CRADD: variants seen among roughly 807,000 people sequenced by gnomAD.
The protein encoded by CRADD is death domain-containing protein CRADD.
Under a neutral mutation model 15.5 loss-of-function variants are expected in CRADD, and 9 were observed. The ratio of observed to expected loss-of-function variants is 0.58; its 90% CI spans 0.35 to 1.01. The LOEUF is 1.01. Ranked by LOEUF, CRADD falls within the 50% of genes least tolerant of loss-of-function variation. The probability of loss-of-function intolerance (pLI) is 0.02; values close to 1 mark genes in which losing one functional copy is unlikely to be tolerated. For missense variants in CRADD, 227 were observed against 250.3 expected (o/e 0.91, Z 0.63); for synonymous variants, 118 against 107.6 (o/e 1.10, Z -0.60).
At chr12:93,795,993 A>T (rs1957411722) in intron 2 of CRADD, among the ~76,000 whole-genome samples, 1 of 152,238 alleles carries the variant, frequency 6.6e-6, no homozygotes, top group Non-Finnish European at 1.5e-5. Context: ...CACATCCTAG[A>T]GTAGATAAGT....
At chr12:93,876,246 A>G (rs570081413) in intron 2 of CRADD, among the ~76,000 whole-genome samples, 1 of 152,024 alleles carries the variant, frequency 6.6e-6, no homozygotes, top group South Asian at 2.1e-4. Context: ...TTTAGGATCC[A>G]TTCTTTATTC....
At position 93,836,674 on chromosome 12, in the gene CRADD, T is replaced by C. The variant is rs758728789; in HGVS notation, c.299-13296T>C. On this transcript the variant is annotated intron_variant, in intron 2 of 2. Coordinates refer to ENST00000332896, the MANE Select transcript of CRADD (RefSeq NM_003805.5). ...AAAGTAGAAGCACTTGGTAATACTGTAGCTATAGAGAATAAAGCTAAGTGA... is the reference window on the plus strand; with the variant it reads ...AAAGTAGAAGCACTTGGTAATACTGCAGCTATAGAGAATAAAGCTAAGTGA... 1.9e-4 allele frequency among the ~76,000 whole-genome samples: 29 copies of C among 152,378 alleles called. No individual in the cohort carries two copies. In the Middle Eastern group the frequency reaches 0.014, roughly 71 times the overall value.
chr12:93,834,966 A>C (rs1020986681), intron 2 of CRADD, among the ~76,000 whole-genome samples: 1 of 152,304 alleles, frequency 6.6e-6, no homozygotes, highest in African/African-American at 2.4e-5. Flanking sequence ...GATGTGAAAA[A>C]CAGACAGACT....
chr12:93,722,921 T>C (rs1229874616), intron 2 of CRADD, among the ~76,000 whole-genome samples: 2 of 152,186 alleles, frequency 1.3e-5, no homozygotes. Flanking sequence ...AAGGGATCAC[T>C]CTTAAGTAGG....
intron 2 of CRADD, among the ~76,000 whole-genome samples, chr12:93,702,507 G>A (rs549094671): frequency 6.6e-6 from 1 of 151,836 alleles, no homozygotes; most frequent in African/African-American, 2.4e-5. Context: ...TTCAGTTGGT[G>A]CTGCTGCTAG....
At chr12:93,767,970 A>G (rs1957043234) in intron 2 of CRADD, among the ~76,000 whole-genome samples, 1 of 152,226 alleles carries the variant, frequency 6.6e-6, no homozygotes, top group South Asian at 2.1e-4. Flanking sequence ...GCAAAGAATT[A>G]AGTATATACA....
intron 2 of CRADD, among the ~76,000 whole-genome samples, chr12:93,707,265 T>C (rs1262305674): frequency 6.6e-6 from 1 of 152,212 alleles, no homozygotes; most frequent in Non-Finnish European, 1.5e-5. Context: ...TTTTTAAATC[T>C]ACTGCTACAT....
At chr12:93,750,849 C>A (rs1956820745) in intron 2 of CRADD, among the ~76,000 whole-genome samples, 1 of 152,100 alleles carries the variant, frequency 6.6e-6, no homozygotes, top group African/African-American at 2.4e-5. Context: ...TCGCAGATGT[C>A]ACAATAAGGG....
At chr12:93,842,404 G>A (rs1346171285) in intron 2 of CRADD, among the ~76,000 whole-genome samples, 1 of 152,164 alleles carries the variant, frequency 6.6e-6, no homozygotes, top group East Asian at 1.9e-4. Flanking sequence ...CAAACAGACA[G>A]CTAGTGGAGA....
chr12:93,790,526 G>C (rs144241828), intron 2 of CRADD, among the ~76,000 whole-genome samples: 2 of 151,132 alleles, frequency 1.3e-5, no homozygotes, highest in Admixed American at 6.6e-5. Context: ...GTATATTTTC[G>C]CTGGTCTCAA....
intron 2 of CRADD, among the ~76,000 whole-genome samples, chr12:93,704,258 A>G (rs1955899823): frequency 6.6e-6 from 1 of 152,130 alleles, no homozygotes; most frequent in Non-Finnish European, 1.5e-5. Flanking sequence ...CAGCTCTTCA[A>G]CTAGGCAGTT....
intron 2 of CRADD, among the ~76,000 whole-genome samples, chr12:93,871,027 A>T (rs1260491679): frequency 6.6e-6 from 1 of 152,238 alleles, no homozygotes; most frequent in East Asian, 1.9e-4. Context: ...TATACAACAG[A>T]TACACTATAA....
intron 2 of CRADD, among the ~76,000 whole-genome samples, chr12:93,765,550 G>GAGA (rs1957018145): frequency 6.6e-6 from 1 of 152,146 alleles, no homozygotes; most frequent in South Asian, 2.1e-4. Flanking sequence ...GCTGTGTGGG[G>GAGA]AGAAGGTAAG....
chr12:93,738,198 A>G (rs1337263618), intron 2 of CRADD: 1 of 605,588 alleles, frequency 1.7e-6, no homozygotes, highest in South Asian at 2.0e-5. Context: ...CATTTTTTGC[A>G]GGGTTAGAGG....
chr12:93,728,585 AAG>A lies in CRADD; in HGVS notation c.298+49516_298+49517del, dbSNP rs374079395. Reference sequence around the variant, plus strand: ...TGCCTGAGACTAGTGAAGAATGAAAAAGAGGGGAAAATTTTATCTCATCAAGT... The same window carrying A: ...TGCCTGAGACTAGTGAAGAATGAAAAAGGGGAAAATTTTATCTCATCAAGT... On this transcript the variant is annotated intron_variant, in intron 2 of 2. Coordinates refer to ENST00000332896, the MANE Select transcript of CRADD (RefSeq NM_003805.5). 3.5e-4 allele frequency among the ~76,000 whole-genome samples: 54 copies of A among 152,330 alleles called. No homozygotes were observed. The East Asian group carries it at 6.6e-3, about 18-fold the overall frequency.
intron 2 of CRADD, among the ~76,000 whole-genome samples, chr12:93,733,079 G>A (rs11107169): frequency 0.37 from 55,551 of 152,060 alleles, 11,346 homozygotes; most frequent in East Asian, 0.56. Flanking sequence ...GATTTGAAGT[G>A]ATATAGGCTA....
chr12:93,782,846 ACT>A (rs1304920590), intron 2 of CRADD, among the ~76,000 whole-genome samples: 1 of 152,122 alleles, frequency 6.6e-6, no homozygotes, highest in Admixed American at 6.5e-5. Flanking sequence ...GAGGCCTAAG[ACT>A]CTTTAAAAAA....
At chr12:93,703,030 A>C (rs1485209924) in intron 2 of CRADD, among the ~76,000 whole-genome samples, 1 of 152,134 alleles carries the variant, frequency 6.6e-6, no homozygotes, top group East Asian at 1.9e-4. Flanking sequence ...AGCATTTTAC[A>C]CCTAATATAG....
chr12:93,831,953 G>GT (rs1333946870), intron 2 of CRADD, among the ~76,000 whole-genome samples: 5 of 152,156 alleles, frequency 3.3e-5, no homozygotes, highest in Admixed American at 3.3e-4. Flanking sequence ...TTGGTTTTGG[G>GT]TTTTTTGCTA....
Sources: allele counts gnomAD v4.1 joint callset (sites outside exome capture counted in the v4.1 genomes callset), GRCh38; gene constraint gnomAD v4.1.1; transcripts MANE v1.5; gene names NCBI Gene and HGNC (gene_info 2026-07-23, HGNC 2026-07-21).